Variants in LRRN1 observed in about 807,000 individuals in gnomAD.
The protein encoded by LRRN1 is leucine-rich repeat neuronal protein 1.
A neutral mutation model predicts 45.8 loss-of-function variants in LRRN1; 14 were observed. The observed-to-expected ratio is 0.31, with a 90% CI of 0.20 to 0.48. LRRN1 has a LOEUF of 0.48. Among genes scored for constraint, LRRN1 ranks in the 20% least tolerant of loss-of-function variants. LRRN1 has a pLI of 0.99. For synonymous variants in LRRN1, 359 were observed against 330.1 expected, an observed-to-expected ratio of 1.09 and a Z score of -0.95; for missense variants, 789 against 874.2, an observed-to-expected ratio of 0.90 and a Z score of 1.23.
chr3:3,799,729 C>A lies in LRRN1; in HGVS notation c.-469C>A. The stretch of plus-strand genomic sequence containing the variant: ...GCGGTTGCCTGTGTCGCCGCCTAGT[C>A]TCCGGTCTTGGTGCTCTCCCGGGGG... On this transcript the variant is annotated 5_prime_UTR_variant, in exon 1 of 2. Transcript: ENST00000319331. The A allele has an allele frequency of 1.3e-5, 2 of 154,738 alleles. No homozygotes were observed. Among genetic ancestry groups the A allele is most frequent in the South Asian group, 3.5e-4 (2 of 5,732 alleles). 9.6% of individuals were successfully genotyped at this position (154,738 alleles called of 1,614,324 possible).
intron 1 of LRRN1, among the ~76,000 whole-genome samples, chr3:3,836,706 G>A (rs1303126349): frequency 1.3e-5 from 2 of 152,234 alleles, no homozygotes; most frequent in Non-Finnish European, 2.9e-5. Flanking sequence ...ATGCTTACAG[G>A]TTTAAACTCC....
At position 3,829,209 on chromosome 3, in the gene LRRN1, C is replaced by T. The variant is rs374951898; in HGVS notation, c.-278-15155C>T. 6.6e-5 allele frequency among the ~76,000 whole-genome samples: 10 copies of T among 152,150 alleles called. No homozygotes were observed. In the East Asian group the frequency reaches 1.5e-3, roughly 24 times the overall value. Reference sequence around the variant, plus strand: ...AGTAGACTGATTCCATTTTGATAATCTGGGTCAATCACACCAGCCAAAACT... The same window carrying T: ...AGTAGACTGATTCCATTTTGATAATTTGGGTCAATCACACCAGCCAAAACT... On this transcript the variant is annotated intron_variant, in intron 1 of 1. Coordinates refer to ENST00000319331, the MANE Select transcript of LRRN1 (RefSeq NM_020873.7).
At chr3:3,800,399 C>T (rs1482759902) in intron 1 of LRRN1, among the ~76,000 whole-genome samples, 1 of 151,722 alleles carries the variant, frequency 6.6e-6, no homozygotes, top group Non-Finnish European at 1.5e-5. Context: ...AGGTGGCGGG[C>T]GACGGGGAGA....
intron 1 of LRRN1, among the ~76,000 whole-genome samples, chr3:3,828,229 C>A (rs1439333887): frequency 6.6e-6 from 1 of 151,138 alleles, no homozygotes; most frequent in African/African-American, 2.4e-5. Flanking sequence ...TCACAAGGTC[C>A]CACAATAGGC....
chr3:3,806,062 G>A (rs943632886), intron 1 of LRRN1, among the ~76,000 whole-genome samples: 1 of 25,960 alleles, frequency 3.9e-5, no homozygotes, highest in Non-Finnish European at 8.1e-5. Context: ...AATATTTGGA[G>A]CCTTCTTTTT....
intron 1 of LRRN1, among the ~76,000 whole-genome samples, chr3:3,840,787 G>T (rs1043382818): frequency 6.6e-6 from 1 of 151,938 alleles, no homozygotes; most frequent in Admixed American, 6.6e-5. Context: ...GCTTGAAAAA[G>T]GTATGTGTGT....
chr3:3,840,564 A>G (rs1239572107), intron 1 of LRRN1, among the ~76,000 whole-genome samples: 1 of 152,194 alleles, frequency 6.6e-6, no homozygotes, highest in East Asian at 1.9e-4. Flanking sequence ...GCTAAAGAGA[A>G]TTCAGAATTA....
chr3:3,819,289 A>G (rs920856418), intron 1 of LRRN1, among the ~76,000 whole-genome samples: 5 of 152,110 alleles, frequency 3.3e-5, no homozygotes, highest in African/African-American at 7.2e-5. Context: ...GCTCAACCCA[A>G]TATTAACTAC....
intron 1 of LRRN1, among the ~76,000 whole-genome samples, chr3:3,838,583 A>G (rs1005274682): frequency 6.6e-6 from 1 of 152,144 alleles, no homozygotes; most frequent in African/African-American, 2.4e-5. Flanking sequence ...TATATTTTCA[A>G]TTTTTTGAGA....
chr3:3,837,864 T>A (rs1320545246), intron 1 of LRRN1, among the ~76,000 whole-genome samples: 1 of 152,024 alleles, frequency 6.6e-6, no homozygotes, highest in Non-Finnish European at 1.5e-5. Flanking sequence ...TTAGCTGTTT[T>A]TCCTAATGCT....
chr3:3,837,505 C>T (rs1325733114), intron 1 of LRRN1, among the ~76,000 whole-genome samples: 1 of 152,082 alleles, frequency 6.6e-6, no homozygotes, highest in Non-Finnish European at 1.5e-5. Flanking sequence ...GGTCCATTTT[C>T]TACCCTTTCT....
Position 3,845,970 on chromosome 3 carries a change from T to A in LRRN1, c.1329T>A (p.Val443=). 4 of 1,614,066 alleles carry A rather than the reference T, an allele frequency of 2.5e-6. No homozygotes were observed. The highest frequency in any genetic ancestry group is 3.4e-6 in the Non-Finnish European group (4 of 1,179,948). Residue 443 remains valine (V), a synonymous_variant, in exon 2 of 2, where the codon GTT becomes GTA. Transcript: ENST00000319331. This position sits in a 1 kb window ranked among gnomAD's most constrained non-coding sequence, Gnocchi z 6.5. ...TAAACGTGGATATCGGCACGACGGT[T>A]TTCCTAGACTGTCGAGCCATGGCTG... is the stretch of plus-strand genomic sequence containing the variant. ...NRLNVDIGTT[V]FLDCRAMAEP... is the part of the protein sequence containing the mutation.
intron 1 of LRRN1, among the ~76,000 whole-genome samples, chr3:3,841,617 C>A (rs180792428): frequency 1.5e-3 from 234 of 152,170 alleles, no homozygotes; most frequent in African/African-American, 5.4e-3. Flanking sequence ...CTCCCAGGTT[C>A]AAGCGATTCT....
intron 1 of LRRN1, among the ~76,000 whole-genome samples, chr3:3,814,113 C>G (rs954932144): frequency 6.6e-6 from 1 of 150,688 alleles, no homozygotes; most frequent in Non-Finnish European, 1.5e-5. Context: ...TTCCTGTCAA[C>G]ACCACCCGAA....
Position 3,821,197 on chromosome 3 carries a change from G to A in LRRN1, c.-279+21278G>A, listed in dbSNP as rs541830932. On this transcript the variant is annotated intron_variant, in intron 1 of 1. Transcript: ENST00000319331. ...TATAGGGCTGTGCATGCCTAGTGTG[G>A]TGGCCACTGGTTACATCTGGCTATT... Among the ~76,000 whole-genome samples the A allele has an allele frequency of 3.3e-5, 5 of 152,262 alleles. No individual in the cohort carries two copies. The East Asian group carries it at 9.7e-4, about 29-fold the overall frequency.
intron 1 of LRRN1, among the ~76,000 whole-genome samples, chr3:3,809,332 C>T (rs1241457513): frequency 6.6e-6 from 1 of 152,094 alleles, no homozygotes; most frequent in Non-Finnish European, 1.5e-5. Context: ...TTAGTAGAGA[C>T]AGGGTTTCAC....
At chr3:3,805,121 C>T (rs1488454) in intron 1 of LRRN1, among the ~76,000 whole-genome samples, 127,762 of 152,172 alleles carry the variant, frequency 0.84, 53,711 homozygotes, top group African/African-American at 0.86. Flanking sequence ...TTTCAATTTG[C>T]AGGGGGACAG....
intron 1 of LRRN1, among the ~76,000 whole-genome samples, chr3:3,836,082 A>T (rs968791814): frequency 3.5e-5 from 2 of 57,356 alleles, no homozygotes; most frequent in Non-Finnish European, 9.7e-5. Flanking sequence ...GAAGAAAGCA[A>T]TTTCACTTAA....
chr3:3,819,485 CTT>C (rs778442277), intron 1 of LRRN1, among the ~76,000 whole-genome samples: 132 of 152,282 alleles, frequency 8.7e-4, no homozygotes, highest in East Asian at 3.9e-4. Context: ...GTCCTTGCCT[CTT>C]AGCTTCTGGG....
Sources: gnomAD v4.1 joint callset for allele counts (sites outside exome capture counted in the v4.1 genomes callset) on GRCh38, gnomAD v4.1.1 for gene constraint, Gnocchi (gnomAD v3.1) non-coding constraint, MANE v1.5 for transcripts, NCBI Gene and HGNC (gene_info 2026-07-23, HGNC 2026-07-21) for gene names.